TEX2: variants seen among roughly 807,000 people sequenced by gnomAD.
TEX2 encodes testis expressed 2, also known as testis-expressed protein 2.
In TEX2, 53 loss-of-function variants were observed where a neutral mutation model predicts 106.9. The ratio of observed to expected loss-of-function variants is 0.50; its 90% confidence interval spans 0.40 to 0.62. The LOEUF is 0.62. Among genes scored for constraint, TEX2 ranks in the 20% least tolerant of loss-of-function variants. The probability of loss-of-function intolerance (pLI) is 0.00; values close to 1 mark genes in which losing one functional copy is unlikely to be tolerated. For synonymous variants in TEX2, 523 were observed against 534.8 expected, an observed-to-expected ratio of 0.98 and a Z score of 0.30; for missense variants, 1,207 against 1,379.0, an observed-to-expected ratio of 0.88 and a Z score of 1.98.
intron 5 of TEX2, among the ~76,000 whole-genome samples, chr17:64,179,626 A>C (rs1313078971): frequency 1.3e-5 from 2 of 152,190 alleles, no homozygotes; most frequent in Admixed American, 6.5e-5. Context: ...ATACATTGCC[A>C]CAGCCTGTGC....
intron 8 of TEX2, among the ~76,000 whole-genome samples, chr17:64,156,823 A>G (rs975278684): frequency 6.6e-6 from 1 of 152,180 alleles, no homozygotes; most frequent in African/African-American, 2.4e-5. Flanking sequence ...GACCCCAGTG[A>G]GATCTGCTGA....
intron 10 of TEX2, among the ~76,000 whole-genome samples, chr17:64,151,543 A>C (rs766326128): frequency 1.3e-5 from 2 of 152,218 alleles, no homozygotes; most frequent in Non-Finnish European, 2.9e-5. Flanking sequence ...ACTGTTGGCA[A>C]AGTATCCAGA....
intron 7 of TEX2, among the ~76,000 whole-genome samples, chr17:64,170,460 G>A (rs1466869001): frequency 6.6e-6 from 1 of 152,096 alleles, no homozygotes; most frequent in African/African-American, 2.4e-5. Context: ...GAGGTGAGCG[G>A]AACTGAAATC....
At chr17:64,230,586 A>C (rs2033635135) in intron 1 of TEX2, 1 of 152,252 alleles carries the variant, frequency 6.6e-6, no homozygotes, top group African/African-American at 2.4e-5. Flanking sequence ...GTTAGTAGTA[A>C]ATCAGTCATT....
intron 1 of TEX2, among the ~76,000 whole-genome samples, chr17:64,236,515 C>A (rs2033771338): frequency 6.6e-6 from 1 of 152,036 alleles, no homozygotes; most frequent in Non-Finnish European, 1.5e-5. Flanking sequence ...CCAGCCTGAG[C>A]GACAGAGTAA....
Position 64,233,744 on chromosome 17 carries a change from G to T in TEX2, c.-25-19502C>A, listed in dbSNP as rs545219771. On this transcript the variant is annotated intron_variant, in intron 1 of 11. Transcript: ENST00000584379. ...GTTAGAGGCAAGTGCTTTCTAACAG[G>T]CTATTGCTGTGTAACTACATCAAAG... 2.0e-5 allele frequency among the ~76,000 whole-genome samples: 3 copies of T among 152,284 alleles called. No homozygotes were observed. In the South Asian group the frequency reaches 6.2e-4, roughly 32 times the overall value.
At chr17:64,168,039 C>T (rs2031220696) in intron 7 of TEX2, among the ~76,000 whole-genome samples, 1 of 151,894 alleles carries the variant, frequency 6.6e-6, no homozygotes, top group African/African-American at 2.4e-5. Flanking sequence ...CAAGCACAAG[C>T]CAGGAAATAT....
chr17:64,147,764 A>G lies in TEX2; in HGVS notation c.*1205T>C, dbSNP rs1226179337. On this transcript the variant is annotated 3_prime_UTR_variant, in exon 12 of 12. Coordinates refer to ENST00000584379, the MANE Select transcript of TEX2 (RefSeq NM_001288732.2). The stretch of plus-strand genomic sequence containing the variant: ...TCAATATATTAATTTCTTTAAAGTC[A>G]TGTTCAGGCAAGGTGCTGTTTAAAA... 1 of 152,634 alleles carries G rather than the reference A, an allele frequency of 6.6e-6. No individual in the cohort carries two copies. Among genetic ancestry groups the G allele is most frequent in the Non-Finnish European group, 1.5e-5 (1 of 68,044 alleles). 9.5% of individuals were successfully genotyped at this position (152,634 alleles called of 1,614,324 possible). A position where few individuals can be genotyped will look rare whatever the true frequency, so the allele number is the denominator to read the frequency against.
At chr17:64,261,463 G>A (rs1057374113) in intron 1 of TEX2, among the ~76,000 whole-genome samples, 1 of 152,014 alleles carries the variant, frequency 6.6e-6, no homozygotes, top group African/African-American at 2.4e-5. Context: ...CTTCTCTCAC[G>A]ATGACATAAC....
Position 64,181,487 on chromosome 17 carries a change from A to T in TEX2, c.2425-4016T>A, listed in dbSNP as rs866089821. Among the ~76,000 whole-genome samples, 431 of 151,370 alleles carry T rather than the reference A, an allele frequency of 2.8e-3. 5 individuals carry two copies. Among genetic ancestry groups the T allele is most frequent in the African/African-American group, 9.6e-3 (395 of 41,302 alleles). The stretch of plus-strand genomic sequence containing the variant: ...AAGGCTATCTCAAAAAAAAAAAAAA[A>T]AAAAAAAAAAAGCAAAATTAGATCT... On this transcript the variant is annotated intron_variant, in intron 5 of 11. Coordinates refer to ENST00000584379, the MANE Select transcript of TEX2 (RefSeq NM_001288732.2).
chr17:64,262,431 C>A (rs539165401), intron 1 of TEX2, among the ~76,000 whole-genome samples: 3 of 152,388 alleles, frequency 2.0e-5, no homozygotes, highest in African/African-American at 7.2e-5. Context: ...CCTGCACCAA[C>A]TCCCATGGCA....
chr17:64,183,680 G>A (rs1223169054), intron 5 of TEX2, among the ~76,000 whole-genome samples: 3 of 151,956 alleles, frequency 2.0e-5, no homozygotes, highest in Admixed American at 6.6e-5. Context: ...CACCCGCCTC[G>A]GCCTCCCAAA....
intron 2 of TEX2, among the ~76,000 whole-genome samples, chr17:64,200,295 T>G (rs2032618018): frequency 6.6e-6 from 1 of 152,182 alleles, no homozygotes. Flanking sequence ...CAGTTTCAGG[T>G]GCTGAGCTGT....
chr17:64,216,519 T>G (rs551634908), intron 1 of TEX2, among the ~76,000 whole-genome samples: 34 of 152,274 alleles, frequency 2.2e-4, no homozygotes, highest in African/African-American at 8.2e-4. Flanking sequence ...TGCATGATTT[T>G]GAGGTTGAAC....
intron 1 of TEX2, among the ~76,000 whole-genome samples, chr17:64,219,372 G>A (rs1328876224): frequency 1.3e-5 from 2 of 151,982 alleles, no homozygotes; most frequent in African/African-American, 2.4e-5. Flanking sequence ...TGGACGTGGT[G>A]GCGCATGCCT....
chr17:64,214,313 A>G (rs778981136), intron 1 of TEX2, 71 bp from the exon 2 acceptor site: 314 of 1,300,140 alleles, frequency 2.4e-4, no homozygotes, highest in Non-Finnish European at 3.2e-4. Flanking sequence ...ATTCGCAGAT[A>G]GGAGCACAGA....
chr17:64,163,162 A>G (rs2030964330), intron 7 of TEX2, among the ~76,000 whole-genome samples: 1 of 152,090 alleles, frequency 6.6e-6, no homozygotes, highest in Non-Finnish European at 1.5e-5. Flanking sequence ...TCTCACTCTC[A>G]CCCAGGCTGG....
rs568489401 is a variant in TEX2 at position 64,238,034 on chromosome 17, G to C, written c.-25-23792C>G. 2.6e-5 allele frequency among the ~76,000 whole-genome samples: 4 copies of C among 152,320 alleles called. No homozygotes were observed. The East Asian group carries it at 5.8e-4, about 22-fold the overall frequency. On this transcript the variant is annotated intron_variant, in intron 1 of 11. Transcript: ENST00000584379. ...AAAACAATTTCAGCCAGGCGCGGTG[G>C]TTCATGCCTGTAATCCTGAGACTTT... is the stretch of plus-strand genomic sequence containing the variant.
chr17:64,190,629 A>G (rs565363994), intron 4 of TEX2, among the ~76,000 whole-genome samples: 2 of 152,278 alleles, frequency 1.3e-5, no homozygotes, highest in South Asian at 4.1e-4. Context: ...CCCCTGATAA[A>G]GTCAAGGACC....
Sources: allele counts gnomAD v4.1 joint callset (sites outside exome capture counted in the v4.1 genomes callset), GRCh38; gene constraint gnomAD v4.1.1; transcripts MANE v1.5; gene names NCBI Gene and HGNC (gene_info 2026-07-23, HGNC 2026-07-21).